Variants in ERC1 observed in about 807,000 individuals in gnomAD.
ERC1 encodes the protein RAB6 interacting protein 2.
Under a neutral mutation model 132.0 loss-of-function variants are expected in ERC1, and 56 were observed. That is an observed-to-expected ratio of 0.42 (90% CI 0.34 to 0.53). The LOEUF (loss-of-function observed/expected upper bound fraction) is 0.53. Ranked by LOEUF, ERC1 falls within the 20% of genes least tolerant of loss-of-function variation. The pLI is 0.03. For synonymous variants in ERC1, 478 were observed against 476.1 expected (o/e 1.00, Z -0.05); for missense variants, 1,202 against 1,349.9 (o/e 0.89, Z 1.72).
intron 15 of ERC1, among the ~76,000 whole-genome samples, chr12:1,318,616 T>C (rs985639674): frequency 6.6e-6 from 1 of 152,200 alleles, no homozygotes; most frequent in Non-Finnish European, 1.5e-5. Context: ...TGACTTACAA[T>C]AGAGTGATTG....
At chr12:1,307,772 C>T (rs1197088163) in intron 15 of ERC1, among the ~76,000 whole-genome samples, 1 of 152,124 alleles carries the variant, frequency 6.6e-6, no homozygotes, top group African/African-American at 2.4e-5. Context: ...TGGTATTCCT[C>T]CTCCATCTAA....
At chr12:1,323,276 C>T (rs1242211951) in intron 15 of ERC1, among the ~76,000 whole-genome samples, 1 of 152,028 alleles carries the variant, frequency 6.6e-6, no homozygotes, top group African/African-American at 2.4e-5. Context: ...AAGGCTACAA[C>T]CAAAAGTATT....
At chr12:1,194,136 G>A (rs994349607) in intron 12 of ERC1, among the ~76,000 whole-genome samples, 1 of 152,074 alleles carries the variant, frequency 6.6e-6, no homozygotes, top group African/African-American at 2.4e-5. Flanking sequence ...AATACTTAGA[G>A]TGGCTGGGTG....
intron 8 of ERC1, among the ~76,000 whole-genome samples, chr12:1,147,917 T>C (rs1950523976): frequency 6.6e-6 from 1 of 152,180 alleles, no homozygotes; most frequent in Non-Finnish European, 1.5e-5. Flanking sequence ...GGGGCATATA[T>C]TTTACTTTTA....
At chr12:1,157,773 A>G (rs1052913427) in intron 8 of ERC1, among the ~76,000 whole-genome samples, 1 of 152,234 alleles carries the variant, frequency 6.6e-6, no homozygotes, top group African/African-American at 2.4e-5. Context: ...AGATTTTTCA[A>G]ATACTGCTGA....
In ERC1 at chr12:1,371,962, G is replaced by A. The variant is rs150973414; in HGVS notation, c.2910G>A (p.Gln970=). The change falls in exon 16 of 19, where the codon CAG becomes CAA. Residue 970 remains glutamine, a synonymous_variant. Transcript: ENST00000360905. ...AGCGGGAGAAGGATCGTCTGGTACA[G>A]CAGCTTAAGCAGCAGGTATTATTAA... ...ALKREKDRLV[Q]QLKQQTQNRM... is the part of the protein sequence containing the mutation. 4 of 1,613,540 alleles carry A rather than the reference G, an allele frequency of 2.5e-6. No individual in the cohort carries two copies. In the African/African-American group the frequency reaches 4.0e-5, roughly 16 times the overall value.
chr12:1,367,951 CTTTTTTTTT>C (rs59027116), intron 15 of ERC1, among the ~76,000 whole-genome samples: 1 of 118,550 alleles, frequency 8.4e-6, no homozygotes, highest in Non-Finnish European at 1.8e-5. Flanking sequence ...CCACATTTTC[CTTTTTTTTT>C]TTTTTTTTTT....
chr12:1,311,087 CATTTT>C (rs1370447505), intron 15 of ERC1, among the ~76,000 whole-genome samples: 1 of 152,200 alleles, frequency 6.6e-6, no homozygotes, highest in Non-Finnish European at 1.5e-5. Flanking sequence ...ACAAAGGAAA[CATTTT>C]ATAAGGATAC....
chr12:1,125,230 A>G (rs1242140203), intron 7 of ERC1, among the ~76,000 whole-genome samples: 1 of 151,936 alleles, frequency 6.6e-6, no homozygotes, highest in Non-Finnish European at 1.5e-5. Flanking sequence ...TCCTGACCTT[A>G]TGATCTGCCC....
At chr12:1,467,957 C>T (rs1291047500) in intron 18 of ERC1, among the ~76,000 whole-genome samples, 1 of 152,194 alleles carries the variant, frequency 6.6e-6, no homozygotes, top group African/African-American at 2.4e-5. Flanking sequence ...TGGAGAGCGG[C>T]TGTAAATATA....
intron 13 of ERC1, among the ~76,000 whole-genome samples, chr12:1,243,237 T>G (rs2075943794): frequency 6.6e-6 from 1 of 151,992 alleles, no homozygotes; most frequent in Non-Finnish European, 1.5e-5. Context: ...AGAGATGATT[T>G]AAAATATATG....
At chr12:998,876 T>C (rs1220426163) in intron 1 of ERC1, among the ~76,000 whole-genome samples, 3 of 139,826 alleles carry the variant, frequency 2.1e-5, no homozygotes, top group African/African-American at 8.6e-5. Flanking sequence ...TTTTTTTTTT[T>C]TGAGGCAGAG....
intron 3 of ERC1, among the ~76,000 whole-genome samples, chr12:1,104,102 A>T (rs1944976011): frequency 6.7e-6 from 1 of 149,768 alleles, no homozygotes; most frequent in African/African-American, 2.5e-5. Context: ...TTCCTTTTCT[A>T]TCCTGAACTC....
At chr12:1,028,674 A>G in intron 2 of ERC1, 102 bp downstream of exon 2, 1 of 957,088 alleles carries the variant, frequency 1.0e-6, no homozygotes, top group African/African-American at 1.7e-5. Flanking sequence ...TAGTATATGT[A>G]TCTTCCTTTT....
chr12:1,263,640 G>A (rs1406445130), intron 14 of ERC1, among the ~76,000 whole-genome samples: 1 of 152,034 alleles, frequency 6.6e-6, no homozygotes, highest in Admixed American at 6.6e-5. Flanking sequence ...CACAACCCTG[G>A]CTTTTAAACG....
intron 2 of ERC1, among the ~76,000 whole-genome samples, chr12:1,045,730 A>G (rs916336022): frequency 2.0e-5 from 3 of 152,160 alleles, no homozygotes; most frequent in Non-Finnish European, 4.4e-5. Flanking sequence ...TGTACATACT[A>G]GTTTAAAATA....
chr12:1,467,039 A>T (rs1034126208), intron 18 of ERC1, among the ~76,000 whole-genome samples: 8 of 152,238 alleles, frequency 5.3e-5, no homozygotes, highest in African/African-American at 1.7e-4. Context: ...ATGATGCTTA[A>T]TAGCCCTAAA....
chr12:1,131,198 T>C (rs1036500832), intron 7 of ERC1, among the ~76,000 whole-genome samples: 2 of 152,154 alleles, frequency 1.3e-5, no homozygotes, highest in African/African-American at 4.8e-5. Flanking sequence ...GTGGAGGTGG[T>C]GGTGAAAGCC....
chr12:1,331,238 A>G (rs1000474171), intron 15 of ERC1, among the ~76,000 whole-genome samples: 1 of 152,176 alleles, frequency 6.6e-6, no homozygotes, highest in Admixed American at 6.5e-5. Context: ...GTTTTGTGTT[A>G]TATATAAATG....
Sources: allele counts gnomAD v4.1 joint callset (sites outside exome capture counted in the v4.1 genomes callset), GRCh38; gene constraint gnomAD v4.1.1; transcripts MANE v1.5; gene names NCBI Gene and HGNC (gene_info 2026-07-23, HGNC 2026-07-21).